The following CD247 variants were observed in gnomAD, a reference collection of about 807,000 sequenced individuals.
The protein encoded by CD247 is CD247 molecule, also known as T-cell surface glycoprotein CD3 zeta chain.
In CD247, 13 loss-of-function variants were observed where a neutral mutation model predicts 30.0. The ratio of observed to expected loss-of-function variants is 0.43; its 90% CI spans 0.28 to 0.69. The LOEUF is 0.69. CD247 is among the 30% of genes least tolerant of loss of function. CD247 has a pLI of 0.16. For missense variants in CD247, 193 were observed against 212.6 expected (o/e 0.91, Z 0.57); for synonymous variants, 72 against 80.0 (o/e 0.90, Z 0.53).
chr1:167,435,907 C>T (rs1012815997), intron 4 of CD247, among the ~76,000 whole-genome samples: 3 of 152,278 alleles, frequency 2.0e-5, no homozygotes, highest in East Asian at 3.9e-4. Flanking sequence ...TCAATGAAAT[C>T]GACAGCCTCT....
chr1:167,497,970 T>C (rs1379371631), intron 1 of CD247, among the ~76,000 whole-genome samples: 1 of 152,212 alleles, frequency 6.6e-6, no homozygotes, highest in Admixed American at 6.5e-5. Flanking sequence ...CCTCGGACTG[T>C]CCTGGCCGCA....
intron 1 of CD247, among the ~76,000 whole-genome samples, chr1:167,479,837 C>G (rs765703567): frequency 6.6e-6 from 1 of 152,204 alleles, no homozygotes; most frequent in African/African-American, 2.4e-5. Context: ...CTTCTGCAAA[C>G]GCCAGTTCTT....
chr1:167,448,213 G>T, intron 1 of CD247: 1 of 261,212 alleles, frequency 3.8e-6, no homozygotes, highest in Non-Finnish European at 6.0e-6. Flanking sequence ...TCTTCACAGT[G>T]ACTCTGATTT....
rs959121663 is a variant in CD247 at position 167,450,153 on chromosome 1, C to A, written c.59-9386G>T. Among the ~76,000 whole-genome samples the A allele has an allele frequency of 2.0e-5, 3 of 152,118 alleles. No homozygotes were observed. The East Asian group carries it at 5.8e-4, about 29-fold the overall frequency. On this transcript the variant is annotated intron_variant, in intron 1 of 7. Transcript: ENST00000362089. ...CCATTATAAATAATTCTAAGATGAACAGCTTCATTCCTAAAGCTTTTTACA... is the reference window on the plus strand; with the variant it reads ...CCATTATAAATAATTCTAAGATGAAAAGCTTCATTCCTAAAGCTTTTTACA...
At chr1:167,484,393 C>T (rs188666338) in intron 1 of CD247, among the ~76,000 whole-genome samples, 8 of 152,322 alleles carry the variant, frequency 5.3e-5, no homozygotes, top group Admixed American at 3.3e-4. Flanking sequence ...CCCCTCTGTA[C>T]ACCCTTCCCC....
At chr1:167,511,795 C>T (rs1360766782) in intron 1 of CD247, among the ~76,000 whole-genome samples, 2 of 152,062 alleles carry the variant, frequency 1.3e-5, no homozygotes, top group African/African-American at 4.8e-5. Context: ...CCCGAGAAAC[C>T]ATGTTTGAGG....
intron 1 of CD247, among the ~76,000 whole-genome samples, chr1:167,501,875 G>A (rs1654923099): frequency 6.6e-6 from 1 of 152,242 alleles, no homozygotes; most frequent in Non-Finnish European, 1.5e-5. Context: ...GAGAAGAGGA[G>A]CACGCAGGTA....
chr1:167,433,959 G>A (rs2101986412), intron 6 of CD247, 61 bp downstream of exon 6: 1 of 1,405,224 alleles, frequency 7.1e-7, no homozygotes. Flanking sequence ...GAGGCCTGCA[G>A]CAGGCGTGTC....
chr1:167,497,704 A>G (rs895612887), intron 1 of CD247, among the ~76,000 whole-genome samples: 4 of 152,202 alleles, frequency 2.6e-5, no homozygotes, highest in Non-Finnish European at 5.9e-5. Context: ...CAGAGCTAGA[A>G]CCGCAAACTC....
At chr1:167,451,812 G>A (rs1252763282) in intron 1 of CD247, among the ~76,000 whole-genome samples, 9 of 152,220 alleles carry the variant, frequency 5.9e-5, no homozygotes, top group Non-Finnish European at 8.8e-5. Flanking sequence ...GTCCTTGTAA[G>A]AAGACAAGAT....
chr1:167,456,061 C>T (rs1652647065), intron 1 of CD247, among the ~76,000 whole-genome samples: 1 of 147,556 alleles, frequency 6.8e-6, no homozygotes, highest in Non-Finnish European at 1.5e-5. Flanking sequence ...AGGGGTCTCT[C>T]CGTTCTCACA....
chr1:167,434,848 G>A (rs1373336798), intron 5 of CD247: 3 of 461,060 alleles, frequency 6.5e-6, no homozygotes, highest in Non-Finnish European at 1.3e-5. Context: ...CTCGATCCAA[G>A]AAGGGAAGGT....
intron 1 of CD247, among the ~76,000 whole-genome samples, chr1:167,442,330 G>T (rs532619929): frequency 6.6e-6 from 1 of 152,160 alleles, no homozygotes; most frequent in African/African-American, 2.4e-5. Flanking sequence ...AGGCCTGGGC[G>T]CCCTCTGGTG....
At chr1:167,434,570 G>T in intron 5 of CD247, 1 of 359,878 alleles carries the variant, frequency 2.8e-6, no homozygotes. Context: ...CAGGGTTCAG[G>T]GTCACACCCA....
chr1:167,434,133 T>TA (rs1651413402), intron 5 of CD247, 57 bp from the exon 6 acceptor site: 5 of 1,516,564 alleles, frequency 3.3e-6, no homozygotes, highest in Non-Finnish European at 4.6e-6. Context: ...AAGCAGCAGG[T>TA]TCCCCTACAA....
At chr1:167,435,537 C>T (rs1477663981) in intron 4 of CD247, 103 bp from the exon 5 acceptor site, 2 of 927,260 alleles carry the variant, frequency 2.2e-6, no homozygotes, top group Admixed American at 1.8e-5. Context: ...TTTCCTGGGG[C>T]TCTGCCGTCT....
intron 1 of CD247, among the ~76,000 whole-genome samples, chr1:167,449,155 T>TTTTTTTCTTTTTTTC (rs1165292915): frequency 0.037 from 2,279 of 61,508 alleles, 118 homozygotes; most frequent in African/African-American, 0.085. Context: ...TTTTCTTTTT[T>TTTTTTTCTTTTTTTC]TTTTTTTTTT....
chr1:167,443,280 G>A (rs904022252), intron 1 of CD247, among the ~76,000 whole-genome samples: 2 of 152,156 alleles, frequency 1.3e-5, no homozygotes, highest in African/African-American at 2.4e-5. Context: ...CAGGGCACAG[G>A]GTAGACAATC....
At chr1:167,438,451 G>T in intron 4 of CD247, 119 bp downstream of exon 4, 1 of 826,586 alleles carries the variant, frequency 1.2e-6, no homozygotes, top group Non-Finnish European at 2.2e-6. Flanking sequence ...TCTTGTCCTG[G>T]GCCCACACAT....
Sources: allele counts gnomAD v4.1 joint callset (sites outside exome capture counted in the v4.1 genomes callset), GRCh38; gene constraint gnomAD v4.1.1; transcripts MANE v1.5; gene names NCBI Gene and HGNC (gene_info 2026-07-23, HGNC 2026-07-21).